ANKRD34A: variants seen among roughly 807,000 people sequenced by gnomAD.
The protein encoded by ANKRD34A is ankyrin repeat domain 34A, also known as ankyrin repeat domain-containing protein 34A.
ANKRD34A carries 7 observed loss-of-function variants against 27.1 expected under a neutral mutation model. The ratio of observed to expected loss-of-function variants is 0.26; its 90% CI spans 0.15 to 0.49. The LOEUF is 0.49. Among genes scored for constraint, ANKRD34A ranks in the 20% least tolerant of loss-of-function variants. The probability of loss-of-function intolerance (pLI) is 0.99; values close to 1 mark genes in which losing one functional copy is unlikely to be tolerated. For synonymous variants in ANKRD34A, 301 were observed against 300.8 expected (o/e 1.00, Z -0.01); for missense variants, 472 against 682.1 (o/e 0.69, Z 3.43).
Position 145,960,593 on chromosome 1 carries a change from C to A in ANKRD34A, c.1167G>T (p.Gly389=). The change falls in exon 4 of 4, where the codon GGG becomes GGT. Residue 389 remains glycine, a synonymous_variant. Transcript: ENST00000606888. This position sits in a 1 kb window ranked among gnomAD's most constrained non-coding sequence, Gnocchi z 5.5. ...TCCTTCCGCTTAGCGGAGATACTGCCCCTGGCAGACTCTCCTGGGACTGGC... is the reference window on the plus strand; with the variant it reads ...TCCTTCCGCTTAGCGGAGATACTGCACCTGGCAGACTCTCCTGGGACTGGC... ...SPRQSQESLP[G]AVSPLSGRRR... The A allele has an allele frequency of 6.3e-7, 1 of 1,585,160 alleles. No individual in the cohort carries two copies. The highest frequency in any genetic ancestry group is 8.6e-7 in the Non-Finnish European group (1 of 1,163,890).
Position 145,960,459 on chromosome 1 carries a change from G to A in ANKRD34A, c.1301C>T (p.Pro434Leu). The change falls in exon 4 of 4, where the codon CCT (proline) becomes CTT (leucine). Residue 434 changes from proline (P) to leucine (L), a missense_variant. Pro to Leu is a moderately conservative substitution (Grantham distance 98). Around this residue, in one of 4 missense-constraint regions of ANKRD34A, gnomAD observed 6 missense variants for 23.3 expected, o/e 0.26. Transcript: ENST00000606888. The surrounding 1 kb of genome is among the most constrained non-coding windows in gnomAD (Gnocchi z 5.5). ...FLPPLNVSPH[P>L]PIPDIRPQPG... ...TTGTGGGCGAATGTCAGGGATGGGAGGGTGGGGACTGACGTTGAGAGGGGG... is the reference window on the plus strand; with the variant it reads ...TTGTGGGCGAATGTCAGGGATGGGAAGGTGGGGACTGACGTTGAGAGGGGG... The A allele has an allele frequency of 6.2e-7, 1 of 1,605,936 alleles. No individual in the cohort carries two copies. Among genetic ancestry groups the A allele is most frequent in the South Asian group, 1.1e-5 (1 of 89,822 alleles).
In ANKRD34A at chr1:145,960,141, G is replaced by A. The variant is rs1327030938; in HGVS notation, c.*128C>T. 2 of 1,108,222 alleles carry A rather than the reference G, an allele frequency of 1.8e-6. No homozygotes were observed. Among genetic ancestry groups the A allele is most frequent in the Non-Finnish European group, 1.2e-6 (1 of 812,694 alleles). 68.6% of individuals were successfully genotyped at this position (1,108,222 alleles called of 1,614,324 possible). A position where few individuals can be genotyped will look rare whatever the true frequency, so the allele number is the denominator to read the frequency against. ...CTTATGGACACATGTTTAACCATGTGTGGGTGCACTGTGCACCCATGAGCA... is the reference window on the plus strand; with the variant it reads ...CTTATGGACACATGTTTAACCATGTATGGGTGCACTGTGCACCCATGAGCA... On this transcript the variant is annotated 3_prime_UTR_variant, in exon 4 of 4. Transcript: ENST00000606888. The surrounding 1 kb of genome is among the most constrained non-coding windows in gnomAD (Gnocchi z 5.5).
In ANKRD34A at chr1:145,959,990, G is replaced by A; in HGVS notation, c.*279C>T. Reference sequence around the variant, plus strand: ...GGGACCCTAGCCCTGTGTGTTTATTGATATGCTGTGCCTGTAGGTACACAA... The same window carrying A: ...GGGACCCTAGCCCTGTGTGTTTATTAATATGCTGTGCCTGTAGGTACACAA... On this transcript the variant is annotated 3_prime_UTR_variant, in exon 4 of 4. Coordinates refer to ENST00000606888, the MANE Select transcript of ANKRD34A (RefSeq NM_001039888.4). 1 of 400,182 alleles carries A rather than the reference G, an allele frequency of 2.5e-6. No individual in the cohort carries two copies. The highest frequency in any genetic ancestry group is 3.8e-5 in the East Asian group (1 of 26,048). 24.8% of individuals were successfully genotyped at this position (400,182 alleles called of 1,614,324 possible).
At position 145,960,722 on chromosome 1, in the gene ANKRD34A, G is replaced by T. The variant is rs782802450; in HGVS notation, c.1038C>A (p.His346Gln). ...MEPVELDTPG[H>Q]LCPDSPESSR... is the part of the protein sequence containing the mutation. ...TGGACTCAGGCGAGTCAGGGCAAAG[G>T]TGTCCAGGGGTGTCCAGCTCCACTG... The change falls in exon 4 of 4, where the codon CAC becomes CAA. Residue 346 changes from histidine (H) to glutamine (Q), a missense_variant. His to Gln is a conservative substitution (Grantham distance 24). Coordinates refer to ENST00000606888, the MANE Select transcript of ANKRD34A (RefSeq NM_001039888.4). This position sits in a 1 kb window ranked among gnomAD's most constrained non-coding sequence, Gnocchi z 5.5. The T allele has an allele frequency of 6.8e-6, 11 of 1,614,086 alleles. No individual in the cohort carries two copies. In the East Asian group the frequency reaches 2.5e-4, roughly 36 times the overall value.
In ANKRD34A at chr1:145,961,043, T is replaced by G; in HGVS notation, c.717A>C (p.Pro239=). The G allele has an allele frequency of 6.2e-7, 1 of 1,613,706 alleles. No individual in the cohort carries two copies. Among genetic ancestry groups the G allele is most frequent in the Non-Finnish European group, 8.5e-7 (1 of 1,179,812 alleles). The change falls in exon 4 of 4, where the codon CCA becomes CCC. Residue 239 remains proline, a synonymous_variant. Transcript: ENST00000606888. This position sits in a 1 kb window ranked among gnomAD's most constrained non-coding sequence, Gnocchi z 9.5. ...CGGAGTTGAGCCTTTTGAGTGGTTTTGGGGGATGGCGTGGTGGTTTGGGGA... is the reference window on the plus strand; with the variant it reads ...CGGAGTTGAGCCTTTTGAGTGGTTTGGGGGGATGGCGTGGTGGTTTGGGGA... ...EPLPKPPRHP[P]KPLKRLNSEP...
At position 145,961,666 on chromosome 1, in the gene ANKRD34A, T is replaced by G; in HGVS notation, c.94A>C (p.Asn32His). 6.2e-7 allele frequency: 1 copy of G among 1,613,838 alleles called. No homozygotes were observed. The highest frequency in any genetic ancestry group is 8.5e-7 in the Non-Finnish European group (1 of 1,179,832). Residue 32 changes from asparagine (N) to histidine (H), a missense_variant, in exon 4 of 4, where the codon AAT becomes CAT. Transcript: ENST00000606888. This position sits in a 1 kb window ranked among gnomAD's most constrained non-coding sequence, Gnocchi z 9.5. ...GTCTCCCCCTGCGCATCACCCTCAT[T>G]CACGTAGGCGCCTCCCTCCAGAAGC... ...RLLLEGGAYV[N>H]EGDAQGETAL...
Position 145,960,637 on chromosome 1 carries a change from C to A in ANKRD34A, c.1123G>T (p.Gly375Cys), listed in dbSNP as rs1186060037. 6.3e-7 allele frequency: 1 copy of A among 1,588,112 alleles called. No homozygotes were observed. The change falls in exon 4 of 4, where the codon GGC (glycine) becomes TGC (cysteine). Residue 375 changes from glycine (G) to cysteine (C), a missense_variant. Physicochemically the swap from Gly to Cys is radical, Grantham distance 159 (BLOSUM62 -3). Transcript: ENST00000606888. The surrounding 1 kb of genome is among the most constrained non-coding windows in gnomAD (Gnocchi z 5.5). ...GACTGGCGCGGAGAGGGAGCCGAGC[C>A]GGCTGGAGGGAGGGTCAACGGGGAG... ...SASPLTLPPA[G>C]SAPSPRQSQE...
Position 145,960,130 on chromosome 1 carries a change from T to C in ANKRD34A, c.*139A>G, listed in dbSNP as rs1000857081. ...AGAGTACTGTGCTTATGGACACATGTTTAACCATGTGTGGGTGCACTGTGC... is the reference window on the plus strand; with the variant it reads ...AGAGTACTGTGCTTATGGACACATGCTTAACCATGTGTGGGTGCACTGTGC... On this transcript the variant is annotated 3_prime_UTR_variant, in exon 4 of 4. Transcript: ENST00000606888. This position sits in a 1 kb window ranked among gnomAD's most constrained non-coding sequence, Gnocchi z 5.5. 3 of 1,034,232 alleles carry C rather than the reference T, an allele frequency of 2.9e-6. No individual in the cohort carries two copies. In the East Asian group the frequency reaches 8.9e-5, roughly 31 times the overall value. The allele number at this position is 1,034,232 out of a possible 1,614,324, so 64.1% of individuals were successfully genotyped here.
chr1:145,961,479 G>A lies in ANKRD34A; in HGVS notation c.281C>T (p.Ala94Val), dbSNP rs1474813540. Residue 94 changes from alanine (A) to valine (V), a missense_variant, in exon 4 of 4, where the codon GCC becomes GTC. Coordinates refer to ENST00000606888, the MANE Select transcript of ANKRD34A (RefSeq NM_001039888.4). This position sits in a 1 kb window ranked among gnomAD's most constrained non-coding sequence, Gnocchi z 9.5. ...ACAGGGGAAV[A>V]SLLLAHGADP... ...TGCGCCGTGGGCAAGGAGCAGCGAG[G>A]CCACCGCGGCGCCCCCACCCCCGGC... The A allele has an allele frequency of 6.3e-7, 1 of 1,576,410 alleles. No individual in the cohort carries two copies. Among genetic ancestry groups the A allele is most frequent in the Non-Finnish European group, 8.6e-7 (1 of 1,161,462 alleles).
chr1:145,961,933 G>T lies in ANKRD34A; in HGVS notation c.-120-54C>A, dbSNP rs1272677975. On this transcript the variant is annotated intron_variant, in intron 3 of 3. Transcript: ENST00000606888. This position sits in a 1 kb window ranked among gnomAD's most constrained non-coding sequence, Gnocchi z 9.5. The stretch of plus-strand genomic sequence containing the variant: ...TCGGCAGGAAAACTGAGGCACAGAT[G>T]CAGGGACCCAGCGTGGGGTGGAGGA... 2 of 738,804 alleles carry T rather than the reference G, an allele frequency of 2.7e-6. No individual in the cohort carries two copies. The highest frequency in any genetic ancestry group is 4.3e-6 in the Non-Finnish European group (2 of 467,874). 45.8% of individuals were successfully genotyped at this position (738,804 alleles called of 1,614,324 possible). A position where few individuals can be genotyped will look rare whatever the true frequency, so the allele number is the denominator to read the frequency against.
chr1:145,964,054 C>T (rs1649903220), intron 1 of ANKRD34A, 130 bp downstream of exon 1: 1 of 152,236 alleles, frequency 6.6e-6, no homozygotes, highest in South Asian at 2.1e-4. Context: ...TTCCACTCTG[C>T]TGGCTTTCCC....
Position 145,959,832 on chromosome 1 carries a change from G to A in ANKRD34A, c.*437C>T, listed in dbSNP as rs1197987281. The A allele has an allele frequency of 3.3e-5, 6 of 184,326 alleles. No homozygotes were observed. Among genetic ancestry groups the A allele is most frequent in the Non-Finnish European group, 7.6e-5 (6 of 79,138 alleles). The allele number at this position is 184,326 out of a possible 1,614,324, so 11.4% of individuals were successfully genotyped here. On this transcript the variant is annotated 3_prime_UTR_variant, in exon 4 of 4. Transcript: ENST00000606888. ...GCTGGGATGTCCACGGAGAGAGTGTGCAAAATCATGATAGGCTGTGTTTCA... is the reference window on the plus strand; with the variant it reads ...GCTGGGATGTCCACGGAGAGAGTGTACAAAATCATGATAGGCTGTGTTTCA...
chr1:145,961,808 C>T lies in ANKRD34A; in HGVS notation c.-49G>A. The T allele has an allele frequency of 1.3e-6, 2 of 1,555,508 alleles. No homozygotes were observed. The highest frequency in any genetic ancestry group is 1.7e-6 in the Non-Finnish European group (2 of 1,155,684). On this transcript the variant is annotated 5_prime_UTR_variant, in exon 4 of 4. Coordinates refer to ENST00000606888, the MANE Select transcript of ANKRD34A (RefSeq NM_001039888.4). This position sits in a 1 kb window ranked among gnomAD's most constrained non-coding sequence, Gnocchi z 9.5. Reference sequence around the variant, plus strand: ...AGATGGAGCCGGGACTGAGACCTGCCGAGGATGACTAGGGGTATGGGGAGG... The same window carrying T: ...AGATGGAGCCGGGACTGAGACCTGCTGAGGATGACTAGGGGTATGGGGAGG...
At position 145,961,070 on chromosome 1, in the gene ANKRD34A, C is replaced by A. The variant is rs587718650; in HGVS notation, c.690G>T (p.Pro230=). 13 of 1,613,256 alleles carry A rather than the reference C, an allele frequency of 8.1e-6. No homozygotes were observed. The highest frequency in any genetic ancestry group is 1.7e-5 in the Admixed American group (1 of 59,974). ...GGGGATGGCGTGGTGGTTTGGGGAG[C>A]GGCTCGGAAGGGGATGGGTCATCGG... The part of the protein sequence containing the change: ...KPPDDPSPSE[P]LPKPPRHPPK... The change falls in exon 4 of 4, where the codon CCG becomes CCT. Residue 230 remains proline, a synonymous_variant. Coordinates refer to ENST00000606888, the MANE Select transcript of ANKRD34A (RefSeq NM_001039888.4). This position sits in a 1 kb window ranked among gnomAD's most constrained non-coding sequence, Gnocchi z 9.5.
chr1:145,960,141 G>T lies in ANKRD34A; in HGVS notation c.*128C>A. 9.0e-7 allele frequency: 1 copy of T among 1,108,340 alleles called. No individual in the cohort carries two copies. The highest frequency in any genetic ancestry group is 1.2e-6 in the Non-Finnish European group (1 of 812,686). The allele number at this position is 1,108,340 out of a possible 1,614,324, so 68.7% of individuals were successfully genotyped here. A position where few individuals can be genotyped will look rare whatever the true frequency, so the allele number is the denominator to read the frequency against. Reference sequence around the variant, plus strand: ...CTTATGGACACATGTTTAACCATGTGTGGGTGCACTGTGCACCCATGAGCA... The same window carrying T: ...CTTATGGACACATGTTTAACCATGTTTGGGTGCACTGTGCACCCATGAGCA... On this transcript the variant is annotated 3_prime_UTR_variant, in exon 4 of 4. Transcript: ENST00000606888. This position sits in a 1 kb window ranked among gnomAD's most constrained non-coding sequence, Gnocchi z 5.5.
rs1273878134 is a variant in ANKRD34A, at chr1:145,959,897, G to A, written c.*372C>T. 1.2e-5 allele frequency: 3 copies of A among 244,102 alleles called. No homozygotes were observed. The highest frequency in any genetic ancestry group is 8.5e-5 in the East Asian group (1 of 11,804). The allele number at this position is 244,102 out of a possible 1,614,324, so 15.1% of individuals were successfully genotyped here. On this transcript the variant is annotated 3_prime_UTR_variant, in exon 4 of 4. Transcript: ENST00000606888. ...AGCAAGGGATTGCTTCTGCAGGAGG[G>A]CAAAGACATCGGAGACTGCCCATAA...
At position 145,960,654 on chromosome 1, in the gene ANKRD34A, A is replaced by G. The variant is rs1346910309; in HGVS notation, c.1106T>C (p.Leu369Ser). 5.6e-6 allele frequency: 9 copies of G among 1,597,132 alleles called. No individual in the cohort carries two copies. The highest frequency in any genetic ancestry group is 7.7e-6 in the Non-Finnish European group (9 of 1,169,864). Reference sequence around the variant, plus strand: ...AGCCGAGCCGGCTGGAGGGAGGGTCAACGGGGAGGCGCTGTATCGGCGGCG... The same window carrying G: ...AGCCGAGCCGGCTGGAGGGAGGGTCGACGGGGAGGCGCTGTATCGGCGGCG... Reference protein sequence around the residue: ...LERRRYSASPLTLPPAGSAPS... With the variant: ...LERRRYSASPSTLPPAGSAPS... Residue 369 changes from leucine to serine, a missense_variant, in exon 4 of 4, where the codon TTG (leucine) becomes TCG (serine). Coordinates refer to ENST00000606888, the MANE Select transcript of ANKRD34A (RefSeq NM_001039888.4). The surrounding 1 kb of genome is among the most constrained non-coding windows in gnomAD (Gnocchi z 5.5).
In ANKRD34A at chr1:145,963,314, T is replaced by C. The variant is rs1024221924; in HGVS notation, c.-673A>G. 2 of 152,380 alleles carry C rather than the reference T, an allele frequency of 1.3e-5. No individual in the cohort carries two copies. Among genetic ancestry groups the C allele is most frequent in the African/African-American group, 2.4e-5 (1 of 41,462 alleles). 9.4% of individuals were successfully genotyped at this position (152,380 alleles called of 1,614,324 possible). ...GGGGCAGGAAGAAGAGCGAACCTTG[T>C]AATACACTCTCTCACATTGCATCTC... is the stretch of plus-strand genomic sequence containing the variant. On this transcript the variant is annotated 5_prime_UTR_variant, in exon 2 of 4. Coordinates refer to ENST00000606888, the MANE Select transcript of ANKRD34A (RefSeq NM_001039888.4).
In ANKRD34A at chr1:145,961,604, G is replaced by A. The variant is rs782678661; in HGVS notation, c.156C>T (p.Asp52=). ...GTACCATGCGTGCCTTGTTCTGGGGGTCGTCGTAGCGGGCCCGACAGGCTG... is the reference window on the plus strand; with the variant it reads ...GTACCATGCGTGCCTTGTTCTGGGGATCGTCGTAGCGGGCCCGACAGGCTG... ...LMAACRARYD[D]PQNKARMVRY... is the part of the protein sequence containing the mutation. Residue 52 remains aspartate, a synonymous_variant, in exon 4 of 4, where the codon GAC becomes GAT. Coordinates refer to ENST00000606888, the MANE Select transcript of ANKRD34A (RefSeq NM_001039888.4). The surrounding 1 kb of genome is among the most constrained non-coding windows in gnomAD (Gnocchi z 9.5). 1.9e-6 allele frequency: 3 copies of A among 1,610,906 alleles called. No homozygotes were observed. The highest frequency in any genetic ancestry group is 2.2e-5 in the East Asian group (1 of 44,870).
Sources: gnomAD v4.1 joint callset for allele counts on GRCh38, gnomAD v4.1.1 for gene constraint, gnomAD v4.1.1 regional missense constraint, Gnocchi (gnomAD v3.1) non-coding constraint, MANE v1.5 for transcripts, NCBI Gene and HGNC (gene_info 2026-07-23, HGNC 2026-07-21) for gene names.